Variants in STK3 observed in about 807,000 individuals in gnomAD.
STK3 encodes serine/threonine kinase 3.
In STK3, 41 loss-of-function variants were observed where a neutral mutation model predicts 58.0. The ratio of observed to expected loss-of-function variants is 0.71; its 90% CI spans 0.55 to 0.92. The LOEUF (loss-of-function observed/expected upper bound fraction) is 0.92. STK3 is among the 40% of genes least tolerant of loss of function. The probability of loss-of-function intolerance (pLI) is 0.00; values close to 1 mark genes in which losing one functional copy is unlikely to be tolerated. For synonymous variants in STK3, 170 were observed against 191.0 expected (o/e 0.89, Z 0.91); for missense variants, 479 against 602.7 (o/e 0.79, Z 2.15).
chr8:98,699,055 T>C (rs920969612), intron 6 of STK3, among the ~76,000 whole-genome samples: 2 of 152,196 alleles, frequency 1.3e-5, no homozygotes, highest in Non-Finnish European at 2.9e-5. Context: ...GGAGGCTTTG[T>C]TCATTTCTTT....
At chr8:98,726,622 G>C (rs530269681) in intron 4 of STK3, among the ~76,000 whole-genome samples, 1 of 152,280 alleles carries the variant, frequency 6.6e-6, no homozygotes, top group South Asian at 2.1e-4. Context: ...TAAGATTCTA[G>C]TACAGCACTG....
At chr8:98,913,445 C>T (rs1197193939) in intron 1 of STK3, among the ~76,000 whole-genome samples, 1 of 152,196 alleles carries the variant, frequency 6.6e-6, no homozygotes, top group Admixed American at 6.5e-5. Flanking sequence ...GAAAGCCCAT[C>T]CTCTTAGCTG....
chr8:98,796,034 G>GA, intron 1 of STK3, among the ~76,000 whole-genome samples: 2 of 152,104 alleles, frequency 1.3e-5, no homozygotes, highest in East Asian at 3.9e-4. Flanking sequence ...TCATGAAGTG[G>GA]AAAAATCAAC....
At chr8:98,357,037 G>A in the STK3 span, among the ~76,000 whole-genome samples, 1 of 152,322 alleles carries the variant, frequency 6.6e-6, no homozygotes, top group South Asian at 2.1e-4. Context: ...CCATTTTCAA[G>A]TGCACGTAGC....
At chr8:98,474,615 T>C (rs1821169901) in intron 10 of STK3, among the ~76,000 whole-genome samples, 1 of 152,198 alleles carries the variant, frequency 6.6e-6, no homozygotes, top group Non-Finnish European at 1.5e-5. Context: ...TTCAAGACTT[T>C]GTTAACACAG....
intron 1 of STK3, among the ~76,000 whole-genome samples, chr8:98,788,661 C>T (rs1832625579): frequency 6.6e-6 from 1 of 152,006 alleles, no homozygotes; most frequent in African/African-American, 2.4e-5. Flanking sequence ...TTTAAAGCAA[C>T]AGCCATTAAA....
At chr8:98,685,983 T>C (rs1823969625) in intron 6 of STK3, among the ~76,000 whole-genome samples, 1 of 152,190 alleles carries the variant, frequency 6.6e-6, no homozygotes, top group Non-Finnish European at 1.5e-5. Flanking sequence ...TTTGAGATAA[T>C]ATATACATAT....
intron 1 of STK3, among the ~76,000 whole-genome samples, chr8:98,892,060 A>T (rs1448269252): frequency 6.6e-6 from 1 of 152,128 alleles, no homozygotes; most frequent in Non-Finnish European, 1.5e-5. Context: ...AAGTGTGACA[A>T]GCACGTACTC....
At chr8:98,794,803 C>T (rs911027119) in intron 1 of STK3, among the ~76,000 whole-genome samples, 2 of 151,958 alleles carry the variant, frequency 1.3e-5, no homozygotes. Flanking sequence ...CACAGTGGCT[C>T]ACGCCTGTAA....
intron 3 of STK3, among the ~76,000 whole-genome samples, chr8:98,765,702 A>G (rs1273360937): frequency 6.6e-6 from 1 of 152,248 alleles, no homozygotes; most frequent in African/African-American, 2.4e-5. Flanking sequence ...CATGAGGACA[A>G]AGCACATGCT....
intron 9 of STK3, among the ~76,000 whole-genome samples, chr8:98,529,613 A>G (rs1826008914): frequency 6.6e-6 from 1 of 152,212 alleles, no homozygotes; most frequent in Admixed American, 6.5e-5. Context: ...TTGAAGAGAT[A>G]ACTGTAACCC....
At chr8:98,680,217 A>T (rs1009852475) in intron 6 of STK3, among the ~76,000 whole-genome samples, 5 of 152,158 alleles carry the variant, frequency 3.3e-5, no homozygotes, top group Non-Finnish European at 7.4e-5. Flanking sequence ...CAGAGCTAAG[A>T]GGGAAAGGCA....
At chr8:98,512,726 A>G (rs1342925681) in intron 10 of STK3, among the ~76,000 whole-genome samples, 1 of 152,164 alleles carries the variant, frequency 6.6e-6, no homozygotes, top group Non-Finnish European at 1.5e-5. Flanking sequence ...AGATAGCATG[A>G]ATTCTGAATG....
At chr8:98,797,652 C>T (rs1431253836) in intron 1 of STK3, among the ~76,000 whole-genome samples, 3 of 152,170 alleles carry the variant, frequency 2.0e-5, no homozygotes, top group Non-Finnish European at 2.9e-5. Context: ...CATCAAACTG[C>T]ACACTTAGAG....
rs1429943719 is a variant in STK3, at chr8:98,893,490, A to AAG, written c.-78-9658_-78-9657dup. Among the ~76,000 whole-genome samples the AAG allele has an allele frequency of 1.4e-3, 117 of 82,576 alleles. 1 individual carries two copies. The highest frequency in any genetic ancestry group is 2.6e-3 in the Admixed American group (18 of 7,002). 54.2% of individuals were successfully genotyped at this position (82,576 alleles called of 152,430 possible). On this transcript the variant is annotated intron_variant, in intron 1 of 1. Coordinates refer to the STK3 transcript ENST00000519420. ...AGAAAGAAAGAAAGAAAGAAAGAGA[A>AAG]AGAAAGAAAGAAAGAAAGAAAGAAA...
chr8:98,748,498 A>G (rs1829778220), intron 4 of STK3, among the ~76,000 whole-genome samples: 1 of 152,122 alleles, frequency 6.6e-6, no homozygotes, highest in Admixed American at 6.5e-5. Flanking sequence ...CTGGTTAACT[A>G]CAAATTGACT....
At chr8:98,556,313 AACCCTCAACTCAC>A (rs1285549400) in intron 8 of STK3, among the ~76,000 whole-genome samples, 1 of 152,126 alleles carries the variant, frequency 6.6e-6, no homozygotes, top group African/African-American at 2.4e-5. Flanking sequence ...ACGCATACTG[AACCCTCAACTCAC>A]ACCATTCTCA....
intron 7 of STK3, among the ~76,000 whole-genome samples, chr8:98,587,196 T>A (rs1338064517): frequency 6.6e-6 from 1 of 152,138 alleles, no homozygotes; most frequent in Non-Finnish European, 1.5e-5. Flanking sequence ...TGTTAGGGTG[T>A]CAATTTTGGA....
chr8:98,516,802 G>A (rs574513876), intron 10 of STK3, among the ~76,000 whole-genome samples: 51 of 152,020 alleles, frequency 3.4e-4, no homozygotes, highest in Non-Finnish European at 4.3e-4. Context: ...CTCGCTAGTC[G>A]TTCCACTGGA....
Sources: gnomAD v4.1 joint callset for allele counts (sites outside exome capture counted in the v4.1 genomes callset) on GRCh38, gnomAD v4.1.1 for gene constraint, MANE v1.5 for transcripts, NCBI Gene and HGNC (gene_info 2026-07-23, HGNC 2026-07-21) for gene names.